Variants in ROBO2 observed in about 807,000 individuals in gnomAD.
ROBO2 encodes roundabout guidance receptor 2, also known as roundabout homolog 2.
A neutral mutation model predicts 160.8 loss-of-function variants in ROBO2; 53 were observed. That is an observed-to-expected ratio of 0.33 (90% CI 0.26 to 0.41). ROBO2 has a LOEUF of 0.41. Ranked by LOEUF, ROBO2 falls within the 10% of genes least tolerant of loss-of-function variation. ROBO2 has a pLI of 1.00. For synonymous variants in ROBO2, 664 were observed against 611.7 expected, an observed-to-expected ratio of 1.09 and a Z score of -1.26; for missense variants, 1,577 against 1,722.4, an observed-to-expected ratio of 0.92 and a Z score of 1.49.
chr3:76,689,588 C>T (rs1037604622), intron 2 of ROBO2, among the ~76,000 whole-genome samples: 1 of 152,048 alleles, frequency 6.6e-6, no homozygotes, highest in Admixed American at 6.6e-5. Flanking sequence ...CCTCTCCCAT[C>T]CCCCAAAAAA....
chr3:76,125,760 G>A (rs2070952504), intron 2 of ROBO2, among the ~76,000 whole-genome samples: 1 of 151,970 alleles, frequency 6.6e-6, no homozygotes, highest in South Asian at 2.1e-4. Context: ...AAGCTTAGGT[G>A]TTCAATTAAA....
chr3:76,796,420 A>G (rs2063695557), intron 2 of ROBO2, among the ~76,000 whole-genome samples: 1 of 150,506 alleles, frequency 6.6e-6, no homozygotes, highest in South Asian at 2.1e-4. Context: ...ACAGGAAGGA[A>G]AAAAAAAAGA....
intron 2 of ROBO2, among the ~76,000 whole-genome samples, chr3:75,981,159 A>T (rs190429300): frequency 6.6e-6 from 1 of 151,480 alleles, no homozygotes; most frequent in Admixed American, 6.6e-5. Flanking sequence ...ACAAGGGCCC[A>T]TGTGTTTTTT....
chr3:76,138,179 T>C (rs2071498817), intron 2 of ROBO2, among the ~76,000 whole-genome samples: 2 of 151,992 alleles, frequency 1.3e-5, no homozygotes. Flanking sequence ...AAAAATGTGA[T>C]GCCCAAATCA....
At chr3:76,335,394 C>G (rs1195306227) in intron 2 of ROBO2, among the ~76,000 whole-genome samples, 6 of 151,682 alleles carry the variant, frequency 4.0e-5, no homozygotes, top group Admixed American at 3.9e-4. Flanking sequence ...GTTGGCCAGG[C>G]TGGTCTTGAA....
At chr3:77,217,792 T>C (rs2085180536) in intron 2 of ROBO2, among the ~76,000 whole-genome samples, 1 of 152,182 alleles carries the variant, frequency 6.6e-6, no homozygotes, top group African/African-American at 2.4e-5. Flanking sequence ...TTCTATTTTA[T>C]TAAATTGTCT....
intron 2 of ROBO2, among the ~76,000 whole-genome samples, chr3:76,264,584 TTG>T (rs1410506245): frequency 4.6e-5 from 7 of 152,166 alleles, no homozygotes; most frequent in African/African-American, 1.7e-4. Flanking sequence ...GTTTCTTTCA[TTG>T]TCACAACTTG....
intron 7 of ROBO2, among the ~76,000 whole-genome samples, chr3:77,549,531 G>A (rs2092834798): frequency 6.6e-6 from 1 of 151,980 alleles, no homozygotes; most frequent in Admixed American, 6.6e-5. Context: ...TGACATGCTA[G>A]CAAACATCAC....
chr3:77,487,972 C>T (rs2085581240), intron 4 of ROBO2, among the ~76,000 whole-genome samples: 1 of 152,120 alleles, frequency 6.6e-6, no homozygotes, highest in Admixed American at 6.5e-5. Flanking sequence ...TTAATTTTTT[C>T]ATGTAACTAA....
At position 76,018,701 on chromosome 3, in the gene ROBO2, C is replaced by T. The variant is rs146149721; in HGVS notation, c.109+81099C>T. 5.7e-3 allele frequency among the ~76,000 whole-genome samples: 860 copies of T among 152,024 alleles called. 9 individuals carry two copies. The highest frequency in any genetic ancestry group is 0.02 in the African/African-American group (832 of 41,516). ...ATTCCTTGGAATTGGCTAATATTTG[C>T]ATTATGGCCTCCCCACATGGTTAGT... On this transcript the variant is annotated intron_variant, in intron 2 of 26. Transcript: ENST00000487694.
At chr3:76,096,862 C>T (rs180995153) in intron 2 of ROBO2, among the ~76,000 whole-genome samples, 6 of 152,242 alleles carry the variant, frequency 3.9e-5, no homozygotes, top group African/African-American at 1.2e-4. Flanking sequence ...AAAACAGACA[C>T]ATATCCTTGC....
intron 2 of ROBO2, among the ~76,000 whole-genome samples, chr3:77,328,062 C>CAAAAAAAAAAAAAAAA: frequency 1.8e-5 from 2 of 112,836 alleles, no homozygotes; most frequent in East Asian, 2.5e-4. Flanking sequence ...GACCGTATCT[C>CAAAAAAAAAAAAAAAA]AAAAAAAAAA....
At chr3:76,186,621 T>C (rs1261830241) in intron 2 of ROBO2, among the ~76,000 whole-genome samples, 1 of 151,402 alleles carries the variant, frequency 6.6e-6, no homozygotes, top group Non-Finnish European at 1.5e-5. Context: ...TCCCACTTTT[T>C]TTCCAAATCA....
At chr3:77,492,861 T>C (rs1215270732) in intron 4 of ROBO2, among the ~76,000 whole-genome samples, 2 of 152,320 alleles carry the variant, frequency 1.3e-5, no homozygotes, top group Non-Finnish European at 2.9e-5. Context: ...CTTTCAACTT[T>C]TAGTTTTCCC....
intron 2 of ROBO2, among the ~76,000 whole-genome samples, chr3:76,748,871 T>TA (rs1397848510): frequency 1.3e-5 from 2 of 151,872 alleles, no homozygotes; most frequent in Non-Finnish European, 2.9e-5. Flanking sequence ...TATACAAATA[T>TA]AAAAGTATTA....
intron 2 of ROBO2, among the ~76,000 whole-genome samples, chr3:76,708,944 C>T (rs1385267843): frequency 6.6e-6 from 1 of 152,104 alleles, no homozygotes; most frequent in African/African-American, 2.4e-5. Context: ...ATCACTGGGA[C>T]AGTGGGAGTC....
intron 2 of ROBO2, among the ~76,000 whole-genome samples, chr3:75,976,705 G>C (rs2065142495): frequency 2.6e-5 from 4 of 151,450 alleles, no homozygotes. Context: ...CCAAATCTAA[G>C]GAAGTTTCCA....
chr3:75,921,161 G>A (rs543958777), intron 1 of ROBO2, among the ~76,000 whole-genome samples: 1 of 152,140 alleles, frequency 6.6e-6, no homozygotes, highest in East Asian at 1.9e-4. Flanking sequence ...TTTTGCAGTG[G>A]CTGGTACTGG....
chr3:76,240,475 T>A (rs1705219095), intron 2 of ROBO2, among the ~76,000 whole-genome samples: 2 of 152,176 alleles, frequency 1.3e-5, no homozygotes, highest in South Asian at 2.1e-4. Context: ...AAAACTAGTA[T>A]ATTAAGTAAA....
Sources: allele counts gnomAD v4.1 joint callset (sites outside exome capture counted in the v4.1 genomes callset), GRCh38; gene constraint gnomAD v4.1.1; transcripts MANE v1.5; gene names NCBI Gene and HGNC (gene_info 2026-07-23, HGNC 2026-07-21).